The following PTPRZ1 variants were observed in gnomAD, a reference collection of about 807,000 sequenced individuals.
The protein encoded by PTPRZ1 is protein tyrosine phosphatase receptor type Z1.
A neutral mutation model predicts 214.1 loss-of-function variants in PTPRZ1; 82 were observed. The observed-to-expected ratio is 0.38, with a 90% confidence interval of 0.32 to 0.46. PTPRZ1 has a LOEUF of 0.46. Among genes scored for constraint, PTPRZ1 ranks in the 20% least tolerant of loss-of-function variants. PTPRZ1 has a pLI of 1.00. For synonymous variants in PTPRZ1, 945 were observed against 987.9 expected, an observed-to-expected ratio of 0.96 and a Z score of 0.81; for missense variants, 2,603 against 2,748.7, an observed-to-expected ratio of 0.95 and a Z score of 1.19.
chr7:121,888,154 CTTAAAAAATGTAGGAATATTAGAG>C (rs1794457328), intron 1 of PTPRZ1, among the ~76,000 whole-genome samples: 1 of 151,860 alleles, frequency 6.6e-6, no homozygotes, highest in Non-Finnish European at 1.5e-5. Flanking sequence ...GCTTCAAAGT[CTTAAAAAATGTAGGAATATTAGAG>C]TTATGCCTTG....
At chr7:121,898,031 A>G (rs1242955956) in intron 1 of PTPRZ1, among the ~76,000 whole-genome samples, 1 of 152,144 alleles carries the variant, frequency 6.6e-6, no homozygotes, top group Non-Finnish European at 1.5e-5. Flanking sequence ...ATAACATCCT[A>G]CCAAATGTAG....
intron 8 of PTPRZ1, among the ~76,000 whole-genome samples, chr7:121,984,507 A>T (rs940031054): frequency 6.6e-6 from 1 of 152,152 alleles, no homozygotes; most frequent in African/African-American, 2.4e-5. Flanking sequence ...AGCTTGGGAG[A>T]TCATTTCTGG....
chr7:121,951,189 T>C (rs1796531670), intron 2 of PTPRZ1, among the ~76,000 whole-genome samples: 1 of 152,214 alleles, frequency 6.6e-6, no homozygotes, highest in African/African-American at 2.4e-5. Context: ...AGAGATATGA[T>C]CTAGAATCAA....
intron 1 of PTPRZ1, among the ~76,000 whole-genome samples, chr7:121,926,820 C>G (rs1234413677): frequency 1.3e-5 from 2 of 152,106 alleles, no homozygotes. Context: ...TTTAATAAAA[C>G]TATTGTAAAA....
chr7:122,019,983 G>A (rs1798967730), intron 13 of PTPRZ1, among the ~76,000 whole-genome samples: 1 of 152,134 alleles, frequency 6.6e-6, no homozygotes. Flanking sequence ...AAGGCTTTAT[G>A]ATGATATAAG....
intron 8 of PTPRZ1, among the ~76,000 whole-genome samples, chr7:121,995,877 A>T (rs1298045948): frequency 6.6e-6 from 1 of 152,206 alleles, no homozygotes; most frequent in African/African-American, 2.4e-5. Context: ...AAGAGAAATT[A>T]AGTCATCATG....
At chr7:122,013,933 C>A in intron 12 of PTPRZ1, 44 bp downstream of exon 12, 1 of 1,449,538 alleles carries the variant, frequency 6.9e-7, no homozygotes, top group Non-Finnish European at 9.2e-7. Flanking sequence ...TGGTGGTTTG[C>A]TTGCTCTAAA....
Position 121,924,156 on chromosome 7 carries a change from A to G in PTPRZ1, c.59-4000A>G, listed in dbSNP as rs185908063. Among the ~76,000 whole-genome samples, 575 of 152,272 alleles carry G rather than the reference A, an allele frequency of 3.8e-3. 4 individuals are homozygous for G. Among genetic ancestry groups the G allele is most frequent in the Non-Finnish European group, 5.9e-3 (399 of 68,000 alleles). On this transcript the variant is annotated intron_variant, in intron 1 of 29. Transcript: ENST00000393386. The stretch of plus-strand genomic sequence containing the variant: ...ATAACCGCCTTGTCAAAGATTTTAA[A>G]TGGAAAGAAACAAAATATAAAAACT...
At chr7:121,909,304 A>G (rs1016868293) in intron 1 of PTPRZ1, among the ~76,000 whole-genome samples, 7 of 152,168 alleles carry the variant, frequency 4.6e-5, no homozygotes, top group Non-Finnish European at 7.3e-5. Context: ...AGTTGCAGCC[A>G]GTGAAACAGC....
At chr7:121,907,060 T>C (rs1000367318) in intron 1 of PTPRZ1, among the ~76,000 whole-genome samples, 12 of 152,138 alleles carry the variant, frequency 7.9e-5, no homozygotes, top group African/African-American at 2.9e-4. Flanking sequence ...ATTTTATCTC[T>C]ATTTGTTATT....
intron 1 of PTPRZ1, among the ~76,000 whole-genome samples, chr7:121,874,110 G>GT (rs1383532683): frequency 7.3e-5 from 11 of 150,640 alleles, no homozygotes; most frequent in Non-Finnish European, 1.2e-4. Context: ...ACTTTTCAGG[G>GT]TTTTTTTTAT....
At chr7:121,884,439 A>G (rs1040974911) in intron 1 of PTPRZ1, among the ~76,000 whole-genome samples, 1 of 152,070 alleles carries the variant, frequency 6.6e-6, no homozygotes, top group Non-Finnish European at 1.5e-5. Flanking sequence ...ATACTGCTTT[A>G]TTTTGAATGT....
intron 6 of PTPRZ1, among the ~76,000 whole-genome samples, chr7:121,981,379 T>TCC (rs1345603153): frequency 2.0e-5 from 3 of 151,872 alleles, no homozygotes; most frequent in African/African-American, 7.3e-5. Flanking sequence ...TTAACACCAC[T>TCC]GCTCTACACT....
chr7:121,904,441 C>T (rs926855604), intron 1 of PTPRZ1, among the ~76,000 whole-genome samples: 1 of 152,134 alleles, frequency 6.6e-6, no homozygotes, highest in Non-Finnish European at 1.5e-5. Context: ...CAGACATAGG[C>T]CCCCAAAGAT....
At chr7:121,911,032 A>C (rs1290025616) in intron 1 of PTPRZ1, among the ~76,000 whole-genome samples, 1 of 152,176 alleles carries the variant, frequency 6.6e-6, no homozygotes, top group Non-Finnish European at 1.5e-5. Flanking sequence ...TAATGACAAC[A>C]ATAAAAGCTT....
chr7:122,036,754 T>C lies in PTPRZ1; in HGVS notation c.5367+72T>C, dbSNP rs1255473430. ...AATTATTATACCATAATGCCATACA[T>C]GCATACATATACTAGTGCTTAATGT... is the stretch of plus-strand genomic sequence containing the variant. On this transcript the variant is annotated intron_variant, in intron 18 of 29. Transcript: ENST00000393386. The C allele has an allele frequency of 3.0e-6, 3 of 998,500 alleles. No individual in the cohort carries two copies. The Admixed American group carries it at 5.4e-5, about 18-fold the overall frequency. The allele number at this position is 998,500 out of a possible 1,614,324, so 61.9% of individuals were successfully genotyped here.
intron 10 of PTPRZ1, among the ~76,000 whole-genome samples, chr7:122,004,381 T>C (rs1584732486): frequency 6.6e-6 from 1 of 151,824 alleles, no homozygotes; most frequent in Non-Finnish European, 1.5e-5. Context: ...GAGTGGGAGG[T>C]AGAGATCAAG....
chr7:121,979,386 A>G (rs1210174177), intron 6 of PTPRZ1, among the ~76,000 whole-genome samples: 1 of 152,208 alleles, frequency 6.6e-6, no homozygotes, highest in African/African-American at 2.4e-5. Context: ...GACACATCCC[A>G]GGTAACATCA....
chr7:122,054,930 C>T lies in PTPRZ1; in HGVS notation c.6382-11C>T. On this transcript the variant is annotated splice_polypyrimidine_tract_variant and intron_variant, in intron 26 of 29. Transcript: ENST00000393386. ...AAAATCTAGACTCTTCTTTCATTTGCAATTCTGCAGGCAGAAGATGAATTT... is the reference window on the plus strand; with the variant it reads ...AAAATCTAGACTCTTCTTTCATTTGTAATTCTGCAGGCAGAAGATGAATTT... 6.3e-7 allele frequency: 1 copy of T among 1,575,726 alleles called. No homozygotes were observed. The highest frequency in any genetic ancestry group is 8.6e-7 in the Non-Finnish European group (1 of 1,164,702).
Sources: allele counts gnomAD v4.1 joint callset (sites outside exome capture counted in the v4.1 genomes callset), GRCh38; gene constraint gnomAD v4.1.1; transcripts MANE v1.5; gene names NCBI Gene and HGNC (gene_info 2026-07-23, HGNC 2026-07-21).